GRIA1: variants seen among roughly 807,000 people sequenced by gnomAD.
The protein encoded by GRIA1 is glutamate ionotropic receptor AMPA type subunit 1, also known as glutamate receptor 1.
In GRIA1, 31 loss-of-function variants were observed where a neutral mutation model predicts 99.2. The ratio of observed to expected loss-of-function variants is 0.31; its 90% CI spans 0.23 to 0.42. GRIA1 has a LOEUF of 0.42. Among genes scored for constraint, GRIA1 ranks in the 10% least tolerant of loss-of-function variants. The probability of loss-of-function intolerance (pLI) is 1.00; values close to 1 mark genes in which losing one functional copy is unlikely to be tolerated. For synonymous variants in GRIA1, 438 were observed against 432.4 expected (o/e 1.01, Z -0.16); for missense variants, 782 against 1,157.5 (o/e 0.68, Z 4.71).
At position 153,561,056 on chromosome 5, in the gene GRIA1, T is replaced by C. The variant is rs559657384; in HGVS notation, c.220+66991T>C. Among the ~76,000 whole-genome samples, 10 of 152,318 alleles carry C rather than the reference T, an allele frequency of 6.6e-5. No individual in the cohort carries two copies. The South Asian group carries it at 2.1e-3, about 32-fold the overall frequency. On this transcript the variant is annotated intron_variant, in intron 2 of 15. Transcript: ENST00000285900. Reference sequence around the variant, plus strand: ...ACAGTACAGGTTTCTTCATGATACATGTCTTCAAGACAGCATTGGAGTAAA... The same window carrying C: ...ACAGTACAGGTTTCTTCATGATACACGTCTTCAAGACAGCATTGGAGTAAA...
intron 8 of GRIA1, among the ~76,000 whole-genome samples, chr5:153,690,548 GCA>G (rs1757668917): frequency 6.6e-6 from 1 of 152,126 alleles, no homozygotes; most frequent in Non-Finnish European, 1.5e-5. Context: ...GTAGCTCCTG[GCA>G]CGTAGCGGAC....
chr5:153,682,181 C>A (rs1757019086), intron 7 of GRIA1, among the ~76,000 whole-genome samples: 1 of 152,054 alleles, frequency 6.6e-6, no homozygotes. Context: ...GGCCAGAGTA[C>A]CTAGAATGTG....
chr5:153,723,434 G>A (rs1042979150), intron 11 of GRIA1, among the ~76,000 whole-genome samples: 25 of 152,236 alleles, frequency 1.6e-4, no homozygotes, highest in African/African-American at 5.8e-4. Context: ...CTGAAGCAGG[G>A]CGAGGCATTG....
chr5:153,738,208 T>C lies in GRIA1; in HGVS notation c.1824-26226T>C, dbSNP rs115295073. ...TCATTGTCCAGGGAAGTCTGGTAGC[T>C]GGTTCTCCATCAGTTATTCTGGGAA... On this transcript the variant is annotated intron_variant, in intron 11 of 15. Transcript: ENST00000285900. Among the ~76,000 whole-genome samples, 1,295 of 152,346 alleles carry C rather than the reference T, an allele frequency of 8.5e-3. 7 individuals carry two copies. The highest frequency in any genetic ancestry group is 0.014 in the South Asian group (66 of 4,828).
At chr5:153,727,085 T>C (rs9686415) in intron 11 of GRIA1, among the ~76,000 whole-genome samples, 79,073 of 151,570 alleles carry the variant, frequency 0.52, 21,530 homozygotes, top group East Asian at 0.94. Context: ...GTTCAATATA[T>C]GCAAATCACT....
chr5:153,630,846 G>A (rs1298695448), intron 2 of GRIA1, among the ~76,000 whole-genome samples: 3 of 152,212 alleles, frequency 2.0e-5, no homozygotes, highest in Non-Finnish European at 4.4e-5. Context: ...CTTGGTGTAT[G>A]TGTGGAAGTG....
At chr5:153,765,276 C>T (rs976249779) in intron 12 of GRIA1, among the ~76,000 whole-genome samples, 1 of 152,120 alleles carries the variant, frequency 6.6e-6, no homozygotes, top group African/African-American at 2.4e-5. Context: ...TTGTTCTGTA[C>T]ACTTAGCCTC....
intron 2 of GRIA1, among the ~76,000 whole-genome samples, chr5:153,533,103 T>C (rs1758232166): frequency 6.6e-6 from 1 of 152,170 alleles, no homozygotes; most frequent in Non-Finnish European, 1.5e-5. Flanking sequence ...CATTCCTCTT[T>C]GAAAGGTTTC....
At position 153,655,704 on chromosome 5, in the gene GRIA1, G is replaced by A. The variant is rs1353290174; in HGVS notation, c.646-115G>A. The A allele has an allele frequency of 1.3e-5, 10 of 789,338 alleles. 1 individual carries two copies. Among genetic ancestry groups the A allele is most frequent in the South Asian group, 2.9e-5 (2 of 67,916 alleles). The allele number at this position is 789,338 out of a possible 1,614,324, so 48.9% of individuals were successfully genotyped here. ...GGATGGTTGGGATATTGTAGTTCTA[G>A]TACTTAGGGTAGGGCACATTGTAAG... On this transcript the variant is annotated intron_variant, in intron 4 of 15. Coordinates refer to ENST00000285900, the MANE Select transcript of GRIA1 (RefSeq NM_000827.4).
chr5:153,501,864 G>A (rs944875991), intron 2 of GRIA1, among the ~76,000 whole-genome samples: 2 of 152,214 alleles, frequency 1.3e-5, no homozygotes, highest in African/African-American at 4.8e-5. Flanking sequence ...TGGAGAACTG[G>A]TGAGGCTGTG....
At chr5:153,533,753 T>C (rs971672658) in intron 2 of GRIA1, among the ~76,000 whole-genome samples, 3 of 152,180 alleles carry the variant, frequency 2.0e-5, no homozygotes, top group African/African-American at 7.2e-5. Context: ...CAAGAGATAT[T>C]TGGCTAGAAG....
intron 2 of GRIA1, among the ~76,000 whole-genome samples, chr5:153,565,501 T>G (rs1761534715): frequency 6.6e-6 from 1 of 152,214 alleles, no homozygotes; most frequent in Non-Finnish European, 1.5e-5. Context: ...TTCAGTATTT[T>G]TTAGTATATT....
At chr5:153,513,655 C>G (rs2113327757) in intron 2 of GRIA1, among the ~76,000 whole-genome samples, 1 of 152,258 alleles carries the variant, frequency 6.6e-6, no homozygotes, top group Middle Eastern at 3.4e-3. Flanking sequence ...GTTTCAGTTT[C>G]CCTCCATGAC....
chr5:153,579,060 T>C (rs1182074666), intron 2 of GRIA1, among the ~76,000 whole-genome samples: 1 of 152,128 alleles, frequency 6.6e-6, no homozygotes, highest in Non-Finnish European at 1.5e-5. Context: ...AATACTTTGC[T>C]CCAAGTTGTG....
chr5:153,692,322 T>C (rs965513006), intron 8 of GRIA1, among the ~76,000 whole-genome samples: 6 of 152,222 alleles, frequency 3.9e-5, no homozygotes, highest in African/African-American at 1.2e-4. Context: ...TTGATCTAGA[T>C]TGAGGTTGGC....
intron 3 of GRIA1, among the ~76,000 whole-genome samples, chr5:153,647,693 T>TG (rs1226130575): frequency 1.3e-5 from 2 of 152,224 alleles, no homozygotes; most frequent in Admixed American, 1.3e-4. Context: ...ATTCTTTCTC[T>TG]GTTTTAGATG....
chr5:153,719,942 C>G (rs1044687167), intron 11 of GRIA1, among the ~76,000 whole-genome samples: 1 of 152,200 alleles, frequency 6.6e-6, no homozygotes, highest in East Asian at 1.9e-4. Flanking sequence ...TGCTCTCTCT[C>G]TCCAAGTAGA....
chr5:153,673,059 G>C (rs1581443003), intron 5 of GRIA1, among the ~76,000 whole-genome samples: 1 of 152,186 alleles, frequency 6.6e-6, no homozygotes, highest in African/African-American at 2.4e-5. Flanking sequence ...TATGTGACCA[G>C]CTTTGGGCTG....
At chr5:153,511,397 T>A (rs1387890528) in intron 2 of GRIA1, among the ~76,000 whole-genome samples, 7 of 152,206 alleles carry the variant, frequency 4.6e-5, no homozygotes, top group Non-Finnish European at 1.0e-4. Context: ...AGCTCATCTC[T>A]GGATGGGGAT....
Sources: gnomAD v4.1 joint callset for allele counts (sites outside exome capture counted in the v4.1 genomes callset) on GRCh38, gnomAD v4.1.1 for gene constraint, MANE v1.5 for transcripts, NCBI Gene and HGNC (gene_info 2026-07-23, HGNC 2026-07-21) for gene names.